Variants in PRKCQ observed in about 807,000 individuals in gnomAD.
PRKCQ encodes protein kinase C theta type.
A neutral mutation model predicts 91.2 loss-of-function variants in PRKCQ; 41 were observed. The observed-to-expected ratio is 0.45, with a 90% CI of 0.35 to 0.58. The LOEUF (loss-of-function observed/expected upper bound fraction) is 0.58. PRKCQ is among the 20% of genes least tolerant of loss of function. The pLI, the probability that PRKCQ is intolerant of heterozygous loss-of-function variation, is 0.00. For missense variants in PRKCQ, 673 were observed against 896.5 expected (o/e 0.75, Z 3.18); for synonymous variants, 307 against 316.9 (o/e 0.97, Z 0.33).
chr10:6,446,147 C>T (rs551447765), intron 15 of PRKCQ, among the ~76,000 whole-genome samples: 3 of 152,060 alleles, frequency 2.0e-5, no homozygotes, highest in Admixed American at 2.0e-4. Context: ...GATAAGAACC[C>T]CCCTGAGCTA....
intron 8 of PRKCQ, chr10:6,489,596 C>T (rs2130797019): frequency 2.4e-6 from 1 of 416,486 alleles, no homozygotes; most frequent in South Asian, 1.8e-5. Flanking sequence ...CGAGAAGAGT[C>T]GAGAAAGGAG....
At chr10:6,564,251 A>G (rs187699501) in intron 1 of PRKCQ, among the ~76,000 whole-genome samples, 1 of 152,282 alleles carries the variant, frequency 6.6e-6, no homozygotes, top group African/African-American at 2.4e-5. Flanking sequence ...GCACATCTTC[A>G]GCGGTGTGAA....
chr10:6,498,343 A>G (rs1837728240), intron 5 of PRKCQ, 53 bp downstream of exon 5: 1 of 1,586,086 alleles, frequency 6.3e-7, no homozygotes, highest in African/African-American at 1.3e-5. Context: ...GATTAAGAAG[A>G]CGCAACAAAA....
intron 1 of PRKCQ, among the ~76,000 whole-genome samples, chr10:6,523,817 T>C (rs1839105626): frequency 6.6e-6 from 1 of 152,244 alleles, no homozygotes; most frequent in East Asian, 1.9e-4. Flanking sequence ...CCAGTGTTTG[T>C]TGAGTTAAAG....
chr10:6,490,404 T>A (rs1021562171), intron 8 of PRKCQ, among the ~76,000 whole-genome samples: 1 of 151,592 alleles, frequency 6.6e-6, no homozygotes, highest in Non-Finnish European at 1.5e-5. Context: ...ATAAAGTGGC[T>A]TATATATTTA....
At chr10:6,557,323 C>T (rs1445015202) in intron 1 of PRKCQ, among the ~76,000 whole-genome samples, 1 of 152,190 alleles carries the variant, frequency 6.6e-6, no homozygotes, top group East Asian at 1.9e-4. Context: ...TGGTCTTCCT[C>T]CTCAACCAGA....
At chr10:6,418,008 G>T in the PRKCQ span, among the ~76,000 whole-genome samples, 1 of 152,092 alleles carries the variant, frequency 6.6e-6, no homozygotes, top group Non-Finnish European at 1.5e-5. Flanking sequence ...GCCTTCTTCC[G>T]TCATCTCCCA....
At chr10:6,433,091 T>C (rs944713) in intron 16 of PRKCQ, among the ~76,000 whole-genome samples, 1 of 152,084 alleles carries the variant, frequency 6.6e-6, no homozygotes, top group South Asian at 2.1e-4. Flanking sequence ...GACTGATACA[T>C]CATCCACTCC....
the PRKCQ span, among the ~76,000 whole-genome samples, chr10:6,407,283 T>G: frequency 7.8e-5 from 9 of 114,814 alleles, no homozygotes; most frequent in South Asian, 2.7e-4. This position sits in a 1 kb window ranked among gnomAD's most constrained non-coding sequence, Gnocchi z 4.0. Flanking sequence ...GTGGGGGGTG[T>G]GAGGGGATGA....
intron 1 of PRKCQ, among the ~76,000 whole-genome samples, chr10:6,559,603 C>G (rs982776853): frequency 6.6e-6 from 1 of 152,182 alleles, no homozygotes; most frequent in African/African-American, 2.4e-5. Flanking sequence ...AGGTGATCTG[C>G]CTGCCTCGGC....
intron 1 of PRKCQ, among the ~76,000 whole-genome samples, chr10:6,575,355 A>G (rs1373540147): frequency 6.6e-6 from 1 of 152,150 alleles, no homozygotes; most frequent in Non-Finnish European, 1.5e-5. Flanking sequence ...AGATAATTAT[A>G]TCTGTAACTA....
chr10:6,417,227 T>C, the PRKCQ span, among the ~76,000 whole-genome samples: 1 of 152,148 alleles, frequency 6.6e-6, no homozygotes, highest in African/African-American at 2.4e-5. Flanking sequence ...TAGTTTCTAG[T>C]TTCTGTTGGG....
Position 6,498,490 on chromosome 10 carries a change from TG to T in PRKCQ, c.447del (p.Lys150SerfsTer34). 6.2e-7 allele frequency: 1 copy of T among 1,614,176 alleles called. No homozygotes were observed. Among genetic ancestry groups the T allele is most frequent in the Non-Finnish European group, 8.5e-7 (1 of 1,180,018 alleles). On this transcript the variant is annotated frameshift_variant, in exon 5 of 18. Transcript: ENST00000263125. LOFTEE classifies it high-confidence loss of function. Reference protein sequence around the residue: ...FFALHQRRGAIKQAKVHHVKC... With the variant: ...FFALHQRRGAXKQAKVHHVKC... ...TTGACGTGGTGGACCTTTGCCTGCT[TG>T]ATGGCACCCCGGCGCTGATGCAAAG... is the stretch of plus-strand genomic sequence containing the variant.
intron 7 of PRKCQ, among the ~76,000 whole-genome samples, chr10:6,496,336 G>C (rs1218499108): frequency 1.3e-5 from 2 of 151,452 alleles, no homozygotes; most frequent in African/African-American, 4.9e-5. Flanking sequence ...TGCTAGCCCA[G>C]TTTCCCCCCT....
At chr10:6,402,371 CAAAAAAA>C in the PRKCQ span, among the ~76,000 whole-genome samples, 905 of 66,562 alleles carry the variant, frequency 0.014, 13 homozygotes, top group Admixed American at 0.023. Flanking sequence ...ATTTCAATGC[CAAAAAAA>C]AAAAAAAAAA....
chr10:6,522,453 G>C (rs1313670107), intron 1 of PRKCQ, among the ~76,000 whole-genome samples: 1 of 152,084 alleles, frequency 6.6e-6, no homozygotes, highest in Non-Finnish European at 1.5e-5. Context: ...TATTTAGCTA[G>C]GCTGATTCAC....
chr10:6,431,724 T>C (rs1327352998), intron 16 of PRKCQ, among the ~76,000 whole-genome samples: 2 of 152,180 alleles, frequency 1.3e-5, no homozygotes, highest in Admixed American at 6.5e-5. Flanking sequence ...TCAGGTATAA[T>C]AGAAACTAGT....
chr10:6,572,334 G>T (rs543215099), intron 1 of PRKCQ, among the ~76,000 whole-genome samples: 126 of 152,158 alleles, frequency 8.3e-4, no homozygotes, highest in Middle Eastern at 3.4e-3. Context: ...CATCACCTAG[G>T]TATTAAGCCC....
At chr10:6,397,158 A>G in the PRKCQ span, among the ~76,000 whole-genome samples, 1 of 151,936 alleles carries the variant, frequency 6.6e-6, no homozygotes, top group African/African-American at 2.4e-5. Flanking sequence ...GTGCAGTGGC[A>G]TGATCTCAGC....
Sources: allele counts gnomAD v4.1 joint callset (sites outside exome capture counted in the v4.1 genomes callset), GRCh38; gene constraint gnomAD v4.1.1; non-coding constraint Gnocchi (gnomAD v3.1); transcripts MANE v1.5; gene names NCBI Gene and HGNC (gene_info 2026-07-23, HGNC 2026-07-21).